The following CDC42BPA variants were observed in gnomAD, a reference collection of about 807,000 sequenced individuals.
The protein encoded by CDC42BPA is CDC42 binding protein kinase alpha.
Under a neutral mutation model 223.5 loss-of-function variants are expected in CDC42BPA, and 80 were observed. That is an observed-to-expected ratio of 0.36 (90% CI 0.30 to 0.43). The LOEUF (loss-of-function observed/expected upper bound fraction) is 0.43. Ranked by LOEUF, CDC42BPA falls within the 20% of genes least tolerant of loss-of-function variation. The probability of loss-of-function intolerance (pLI) is 1.00; values close to 1 mark genes in which losing one functional copy is unlikely to be tolerated. For synonymous variants in CDC42BPA, 694 were observed against 718.6 expected (o/e 0.97, Z 0.55); for missense variants, 1,743 against 2,099.9 (o/e 0.83, Z 3.32).
intron 2 of CDC42BPA, among the ~76,000 whole-genome samples, chr1:227,240,377 C>A (rs1035067029): frequency 2.6e-5 from 4 of 152,054 alleles, no homozygotes; most frequent in Admixed American, 2.0e-4. Flanking sequence ...TCAGTGCATA[C>A]TCAATTACAT....
intron 35 of CDC42BPA, among the ~76,000 whole-genome samples, chr1:226,995,280 A>C (rs1572127025): frequency 6.6e-6 from 1 of 151,974 alleles, no homozygotes. Flanking sequence ...TCAAGTCTCC[A>C]CCTGCCTGGT....
At chr1:227,005,633 T>C (rs921255387) in intron 34 of CDC42BPA, among the ~76,000 whole-genome samples, 1 of 152,192 alleles carries the variant, frequency 6.6e-6, no homozygotes, top group Non-Finnish European at 1.5e-5. Flanking sequence ...ATAGTAGTAC[T>C]GGGATTAGAA....
At chr1:227,208,378 T>C (rs1398182780) in intron 3 of CDC42BPA, among the ~76,000 whole-genome samples, 2 of 136,460 alleles carry the variant, frequency 1.5e-5, no homozygotes, top group African/African-American at 5.4e-5. Context: ...CATTTGTCAA[T>C]TTTGTCTTTT....
intron 3 of CDC42BPA, among the ~76,000 whole-genome samples, chr1:227,205,217 C>A: frequency 7.0e-6 from 1 of 142,752 alleles, no homozygotes; most frequent in African/African-American, 2.6e-5. Context: ...TGCAGTGAGC[C>A]AAGATCTAGC....
At chr1:227,306,266 T>C (rs1014127491) in intron 1 of CDC42BPA, among the ~76,000 whole-genome samples, 1 of 151,276 alleles carries the variant, frequency 6.6e-6, no homozygotes, top group African/African-American at 2.4e-5. Context: ...AAAACAAACA[T>C]GATTAATAAG....
chr1:227,048,978 T>C (rs1305838676), intron 22 of CDC42BPA, among the ~76,000 whole-genome samples: 1 of 151,982 alleles, frequency 6.6e-6, no homozygotes, highest in Non-Finnish European at 1.5e-5. Flanking sequence ...GAATATTTTA[T>C]AAGCACTACA....
intron 21 of CDC42BPA, among the ~76,000 whole-genome samples, chr1:227,057,851 T>C (rs1222747378): frequency 2.6e-5 from 4 of 152,186 alleles, no homozygotes; most frequent in Non-Finnish European, 5.9e-5. Flanking sequence ...ACAAAAAATG[T>C]TCTAGGTGTC....
chr1:227,275,552 A>AT (rs1686794681), intron 1 of CDC42BPA, among the ~76,000 whole-genome samples: 3 of 152,026 alleles, frequency 2.0e-5, no homozygotes, highest in Admixed American at 1.3e-4. Context: ...GACAGATGAC[A>AT]CAAATAAACA....
intron 15 of CDC42BPA, 146 bp from the exon 16 acceptor site, chr1:227,092,137 T>C (rs1414083420): frequency 7.1e-6 from 4 of 561,002 alleles, no homozygotes; most frequent in Non-Finnish European, 9.4e-6. Context: ...CTTGTTTATA[T>C]ATAATGACAG....
chr1:227,274,093 T>C (rs1686516351), intron 1 of CDC42BPA, among the ~76,000 whole-genome samples: 1 of 150,178 alleles, frequency 6.7e-6, no homozygotes, highest in Non-Finnish European at 1.5e-5. Context: ...ATTACATATA[T>C]TTGGGTTTGC....
rs1402107474 is a variant in CDC42BPA at position 226,990,910 on chromosome 1, A to G, written c.*3358T>C. On this transcript the variant is annotated 3_prime_UTR_variant, in exon 37 of 37. Transcript: ENST00000366766. The stretch of plus-strand genomic sequence containing the variant: ...TGTGAGTACAATAATTGGCTGGAAA[A>G]CCAAATAGATGGGCTCCTTTTAGTT... 6 of 152,700 alleles carry G rather than the reference A, an allele frequency of 3.9e-5. No individual in the cohort carries two copies. The East Asian group carries it at 1.2e-3, about 29-fold the overall frequency. The allele number at this position is 152,700 out of a possible 1,614,324, so 9.5% of individuals were successfully genotyped here.
intron 1 of CDC42BPA, among the ~76,000 whole-genome samples, chr1:227,312,335 G>A (rs1447489773): frequency 2.0e-5 from 3 of 152,092 alleles, no homozygotes; most frequent in Non-Finnish European, 2.9e-5. Context: ...ATTTATTTGA[G>A]CTAAATTATT....
chr1:227,259,372 A>G (rs1421831497), intron 1 of CDC42BPA, among the ~76,000 whole-genome samples: 1 of 151,206 alleles, frequency 6.6e-6, no homozygotes, highest in Middle Eastern at 3.4e-3. Flanking sequence ...TAAAAGCAAA[A>G]GAGAAAATCA....
chr1:227,124,277 A>T (rs749443646), intron 11 of CDC42BPA, among the ~76,000 whole-genome samples: 3 of 152,198 alleles, frequency 2.0e-5, no homozygotes, highest in Non-Finnish European at 1.5e-5. Flanking sequence ...ATTGGAGAAC[A>T]CTGCTGCTGG....
intron 1 of CDC42BPA, among the ~76,000 whole-genome samples, chr1:227,308,740 G>A (rs1693002069): frequency 6.6e-6 from 1 of 152,074 alleles, no homozygotes; most frequent in South Asian, 2.1e-4. Flanking sequence ...CCAGTATATT[G>A]GTTTAGAACA....
chr1:227,161,009 T>C (rs968949060), intron 5 of CDC42BPA, among the ~76,000 whole-genome samples: 2 of 152,210 alleles, frequency 1.3e-5, no homozygotes, highest in African/African-American at 4.8e-5. Context: ...CCCATGAAAC[T>C]GGACAGGGAA....
chr1:227,183,911 CATT>C (rs1286487628), intron 5 of CDC42BPA, among the ~76,000 whole-genome samples: 3 of 152,122 alleles, frequency 2.0e-5, no homozygotes, highest in Admixed American at 2.0e-4. Context: ...AATAATATCT[CATT>C]ATGGTTTTAA....
At chr1:227,133,024 C>G (rs1255149614) in intron 10 of CDC42BPA, among the ~76,000 whole-genome samples, 1 of 151,798 alleles carries the variant, frequency 6.6e-6, no homozygotes, top group African/African-American at 2.4e-5. Flanking sequence ...GCAGCCACCC[C>G]GTCCGGGAGG....
chr1:227,291,822 CTTTT>C (rs987839571), intron 1 of CDC42BPA, among the ~76,000 whole-genome samples: 4 of 151,746 alleles, frequency 2.6e-5, no homozygotes, highest in Non-Finnish European at 5.9e-5. Context: ...ATCATTTAAA[CTTTT>C]TTTATTCCAA....
Sources: allele counts gnomAD v4.1 joint callset (sites outside exome capture counted in the v4.1 genomes callset), GRCh38; gene constraint gnomAD v4.1.1; transcripts MANE v1.5; gene names NCBI Gene and HGNC (gene_info 2026-07-23, HGNC 2026-07-21).